ZC3HC1: variants seen among roughly 807,000 people sequenced by gnomAD.
ZC3HC1 encodes the protein zinc finger C3HC-type containing 1, also known as zinc finger C3HC-type protein 1.
In ZC3HC1, 38 loss-of-function variants were observed where a neutral mutation model predicts 61.9. The observed-to-expected ratio is 0.61, with a 90% CI of 0.47 to 0.81. ZC3HC1 has a LOEUF of 0.81. Among genes scored for constraint, ZC3HC1 ranks in the 30% least tolerant of loss-of-function variants. ZC3HC1 has a pLI of 0.00. For missense variants in ZC3HC1, 554 were observed against 622.7 expected (o/e 0.89, Z 1.17); for synonymous variants, 213 against 229.9 (o/e 0.93, Z 0.67).
intron 3 of ZC3HC1, 26 bp downstream of exon 3, chr7:130,040,925 A>C (rs767428628): frequency 2.4e-5 from 38 of 1,588,412 alleles, no homozygotes; most frequent in Non-Finnish European, 2.8e-5. Context: ...GTGTGGAGAA[A>C]AATGTAATTT....
intron 9 of ZC3HC1, among the ~76,000 whole-genome samples, chr7:130,020,668 GA>G (rs569435739): frequency 3.3e-5 from 5 of 149,910 alleles, no homozygotes; most frequent in African/African-American, 9.8e-5. Context: ...ACACACTACC[GA>G]AAAAAAAAGT....
intron 2 of ZC3HC1, 88 bp from the exon 3 acceptor site, chr7:130,041,189 GT>G (rs763320374): frequency 1.9e-3 from 2,063 of 1,080,940 alleles, no homozygotes; most frequent in South Asian, 3.5e-3. Flanking sequence ...TACACATACT[GT>G]TTTTTTTTTG....
intron 4 of ZC3HC1, among the ~76,000 whole-genome samples, chr7:130,038,942 T>C (rs1171512136): frequency 2.7e-5 from 4 of 150,928 alleles, no homozygotes. Flanking sequence ...AATGGGATAA[T>C]GCATATATAT....
At chr7:130,020,408 C>T (rs1336837727) in intron 9 of ZC3HC1, among the ~76,000 whole-genome samples, 3 of 151,482 alleles carry the variant, frequency 2.0e-5, no homozygotes, top group African/African-American at 7.3e-5. Context: ...ATTACAGGTG[C>T]ACACCAACAG....
Position 130,049,137 on chromosome 7 carries a change from T to A in ZC3HC1, c.154A>T (p.Thr52Ser). 1.9e-6 allele frequency: 3 copies of A among 1,594,638 alleles called. No homozygotes were observed. Among genetic ancestry groups the A allele is most frequent in the South Asian group, 2.3e-5 (2 of 86,344 alleles). ...PEEGGVDAKD[T>S]SATSQSVNGS... ...TTAACTGACTGGGATGTGGCAGACG[T>A]GTCCTTCCTAATATAAAGTGGCAAA... is the stretch of plus-strand genomic sequence containing the variant. Residue 52 changes from threonine (T) to serine (S), a missense_variant, in exon 2 of 10, where the codon ACG (threonine) becomes TCG (serine). Thr to Ser is a moderately conservative substitution (Grantham distance 58). Transcript: ENST00000358303.
intron 1 of ZC3HC1, 33 bp downstream of exon 1, chr7:130,051,188 A>G: frequency 1.3e-6 from 2 of 1,572,420 alleles, no homozygotes; most frequent in Non-Finnish European, 1.7e-6. Flanking sequence ...TCAATCTTCC[A>G]ACGCCGGACC....
intron 4 of ZC3HC1, among the ~76,000 whole-genome samples, chr7:130,031,691 A>G (rs1385316890): frequency 6.6e-6 from 1 of 152,220 alleles, no homozygotes; most frequent in Admixed American, 6.6e-5. Flanking sequence ...CTAGAAGGAC[A>G]TGTGCAGGTA....
chr7:130,031,258 G>A (rs1427060164), intron 4 of ZC3HC1, among the ~76,000 whole-genome samples: 4 of 150,946 alleles, frequency 2.6e-5, no homozygotes, highest in Non-Finnish European at 4.4e-5. Flanking sequence ...CCCGGGAGGC[G>A]GAGGTTTGGT....
In ZC3HC1 at chr7:130,023,853, G is replaced by T; in HGVS notation, c.1021-130C>A. On this transcript the variant is annotated intron_variant, in intron 7 of 9. Coordinates refer to ENST00000358303, the MANE Select transcript of ZC3HC1 (RefSeq NM_016478.5). The surrounding 1 kb of genome is among the most constrained non-coding windows in gnomAD (Gnocchi z 4.2). ...CTCGCTTTGTTGCCAAGGCTGGAGA[G>T]CAGTGAGGCGATCTTGGCTCATGGC... is the stretch of plus-strand genomic sequence containing the variant. 1.2e-6 allele frequency: 1 copy of T among 846,066 alleles called. No homozygotes were observed. The highest frequency in any genetic ancestry group is 1.7e-5 in the African/African-American group (1 of 58,432). The allele number at this position is 846,066 out of a possible 1,614,324, so 52.4% of individuals were successfully genotyped here. A position where few individuals can be genotyped will look rare whatever the true frequency, so the allele number is the denominator to read the frequency against.
rs769907963 is a variant in ZC3HC1 at position 130,026,198 on chromosome 7, C to A, written c.736G>T (p.Val246Phe). The A allele has an allele frequency of 6.2e-7, 1 of 1,613,982 alleles. No individual in the cohort carries two copies. The highest frequency in any genetic ancestry group is 1.1e-5 in the South Asian group (1 of 91,082). The change falls in exon 6 of 10, where the codon GTC (valine) becomes TTC (phenylalanine). Residue 246 changes from valine to phenylalanine, a missense_variant. By Grantham distance (50) the Val-to-Phe change is conservative. Transcript: ENST00000358303. ...CACACAGAGAGAATACAGGCAGTGA[C>A]GTGGACTTGGATGTCTGAGCCTAAT... ...IKLGSDIQVH[V>F]TACILSVCGW...
At chr7:130,043,479 T>C (rs1487782497) in intron 2 of ZC3HC1, 1 of 155,626 alleles carries the variant, frequency 6.4e-6, no homozygotes, top group East Asian at 1.9e-4. Flanking sequence ...CATGATTATC[T>C]AGAATAAAAG....
At chr7:130,039,933 T>C (rs1380027724) in intron 3 of ZC3HC1, among the ~76,000 whole-genome samples, 16 of 151,304 alleles carry the variant, frequency 1.1e-4, no homozygotes, top group African/African-American at 3.9e-4. Context: ...TTAGTCAGGC[T>C]GGTCTCAAAC....
In ZC3HC1 at chr7:130,023,493, C is replaced by A; in HGVS notation, c.1233+18G>T. 1.2e-6 allele frequency: 2 copies of A among 1,612,944 alleles called. No homozygotes were observed. The highest frequency in any genetic ancestry group is 1.7e-6 in the Non-Finnish European group (2 of 1,179,438). Reference sequence around the variant, plus strand: ...TGCTGTTTATGCTCAGCCACTGCTACATGCGAGGTGGACTCACCGAACTGC... The same window carrying A: ...TGCTGTTTATGCTCAGCCACTGCTAAATGCGAGGTGGACTCACCGAACTGC... On this transcript the variant is annotated intron_variant, in intron 8 of 9. Coordinates refer to ENST00000358303, the MANE Select transcript of ZC3HC1 (RefSeq NM_016478.5). This position sits in a 1 kb window ranked among gnomAD's most constrained non-coding sequence, Gnocchi z 4.2.
intron 6 of ZC3HC1, 102 bp downstream of exon 6, chr7:130,026,056 C>A: frequency 7.3e-7 from 1 of 1,368,714 alleles, no homozygotes; most frequent in Non-Finnish European, 9.8e-7. Context: ...CTTTTTCTCA[C>A]GGGAAACACC....
chr7:130,030,959 C>T (rs1340751613), intron 4 of ZC3HC1, among the ~76,000 whole-genome samples: 2 of 151,880 alleles, frequency 1.3e-5, no homozygotes, highest in African/African-American at 4.8e-5. Context: ...TGAGCCACTG[C>T]GCCCAGCCCA....
In ZC3HC1 at chr7:130,039,730, C is replaced by T. The variant is rs1344478202; in HGVS notation, c.410-183G>A. 2.8e-5 allele frequency: 14 copies of T among 498,512 alleles called. No individual in the cohort carries two copies. The East Asian group carries it at 4.4e-4, about 16-fold the overall frequency. The allele number at this position is 498,512 out of a possible 1,614,324, so 30.9% of individuals were successfully genotyped here. A position where few individuals can be genotyped will look rare whatever the true frequency, so the allele number is the denominator to read the frequency against. ...TTTTAAATTGAGATCCTAAGATCAACAAAGGAGATACCATGTATCTTATTT... is the reference window on the plus strand; with the variant it reads ...TTTTAAATTGAGATCCTAAGATCAATAAAGGAGATACCATGTATCTTATTT... On this transcript the variant is annotated intron_variant, in intron 3 of 9. Coordinates refer to ENST00000358303, the MANE Select transcript of ZC3HC1 (RefSeq NM_016478.5).
intron 9 of ZC3HC1, among the ~76,000 whole-genome samples, chr7:130,019,114 C>T (rs148740069): frequency 0.016 from 2,271 of 146,114 alleles, 29 homozygotes; most frequent in Non-Finnish European, 0.019. Context: ...AGTGCAGTGG[C>T]GCAATCTCGG....
intron 4 of ZC3HC1, 50 bp from the exon 5 acceptor site, chr7:130,029,079 TAAA>T: frequency 6.4e-7 from 1 of 1,565,374 alleles, no homozygotes; most frequent in African/African-American, 1.4e-5. Flanking sequence ...CTGTAAAAAA[TAAA>T]AAACACGGCT....
At chr7:130,034,948 C>A (rs140248435) in intron 4 of ZC3HC1, among the ~76,000 whole-genome samples, 291 of 152,236 alleles carry the variant, frequency 1.9e-3, no homozygotes, top group African/African-American at 6.6e-3. Flanking sequence ...TTAATAAAAT[C>A]ATGGTTTGGC....
Sources: gnomAD v4.1 joint callset for allele counts (sites outside exome capture counted in the v4.1 genomes callset) on GRCh38, gnomAD v4.1.1 for gene constraint, Gnocchi (gnomAD v3.1) non-coding constraint, MANE v1.5 for transcripts, NCBI Gene and HGNC (gene_info 2026-07-23, HGNC 2026-07-21) for gene names.